The following ACOXL variants were observed in gnomAD, a reference collection of about 807,000 sequenced individuals.
ACOXL encodes the protein acyl-CoA oxidase like.
Under a neutral mutation model 71.9 loss-of-function variants are expected in ACOXL, and 70 were observed. That is an observed-to-expected ratio of 0.97 (90% CI 0.80 to 1.19). The LOEUF (loss-of-function observed/expected upper bound fraction) is 1.19, where lower values mean the gene tolerates loss of function less well. Ranked by LOEUF, ACOXL falls within the 50% of genes most tolerant of loss-of-function variation. The pLI, the probability that ACOXL is intolerant of heterozygous loss-of-function variation, is 0.00. For synonymous variants in ACOXL, 253 were observed against 281.6 expected (o/e 0.90, Z 1.02); for missense variants, 703 against 736.3 (o/e 0.95, Z 0.52).
chr2:110,736,138 C>T (rs956569421), intron 1 of ACOXL, among the ~76,000 whole-genome samples: 1 of 152,192 alleles, frequency 6.6e-6, no homozygotes, highest in Admixed American at 6.5e-5. Context: ...TGAACACGTT[C>T]TCACTAGGAA....
chr2:111,071,285 T>G (rs1214636764), intron 16 of ACOXL, among the ~76,000 whole-genome samples: 1 of 151,940 alleles, frequency 6.6e-6, no homozygotes, highest in Non-Finnish European at 1.5e-5. Flanking sequence ...CCCATTCAGG[T>G]TAAGTATAAA....
intron 2 of ACOXL, among the ~76,000 whole-genome samples, chr2:110,781,637 T>A (rs978049879): frequency 6.6e-6 from 1 of 150,554 alleles, no homozygotes. Flanking sequence ...TGATACTCCA[T>A]CTCAAAAATA....
intron 1 of ACOXL, among the ~76,000 whole-genome samples, chr2:110,755,395 A>G (rs1433823071): frequency 6.6e-6 from 1 of 152,266 alleles, no homozygotes; most frequent in Non-Finnish European, 1.5e-5. Context: ...ATGATTTTAT[A>G]TGCCATTGTT....
At chr2:110,947,764 A>G (rs1239616832) in intron 12 of ACOXL, among the ~76,000 whole-genome samples, 2 of 152,136 alleles carry the variant, frequency 1.3e-5, no homozygotes, top group Non-Finnish European at 2.9e-5. Flanking sequence ...ACCAGAACAC[A>G]CCACAGGGTC....
At chr2:110,805,574 C>A (rs1686536534) in intron 9 of ACOXL, among the ~76,000 whole-genome samples, 179 bp downstream of exon 9, 1 of 152,170 alleles carries the variant, frequency 6.6e-6, no homozygotes, top group Non-Finnish European at 1.5e-5. Context: ...CTCCACCCTT[C>A]TTAAGAGGGG....
At chr2:111,011,678 T>A (rs1164613491) in intron 14 of ACOXL, among the ~76,000 whole-genome samples, 1 of 151,838 alleles carries the variant, frequency 6.6e-6, no homozygotes, top group Non-Finnish European at 1.5e-5. Flanking sequence ...AGCCCAGGAG[T>A]TTGAGACCAG....
chr2:111,002,093 T>C (rs553022090), intron 14 of ACOXL, among the ~76,000 whole-genome samples: 2 of 152,306 alleles, frequency 1.3e-5, no homozygotes, highest in South Asian at 2.1e-4. Context: ...CGGAAACTTA[T>C]GAATGCACTT....
intron 10 of ACOXL, 104 bp from the exon 11 acceptor site, chr2:110,908,685 A>T: frequency 1.2e-6 from 1 of 840,594 alleles, no homozygotes; most frequent in South Asian, 1.6e-5. Flanking sequence ...TGCATTCTGG[A>T]GTCTTTGGAA....
intron 14 of ACOXL, among the ~76,000 whole-genome samples, chr2:111,031,368 C>G (rs1242560219): frequency 6.6e-6 from 1 of 152,222 alleles, no homozygotes; most frequent in Non-Finnish European, 1.5e-5. Flanking sequence ...TTCTCCCCTT[C>G]ACGTGTTTCT....
At chr2:111,094,468 C>A (rs72836335) in intron 17 of ACOXL, 11,204 of 152,212 alleles carry the variant, frequency 0.074, 472 homozygotes, top group African/African-American at 0.11. Flanking sequence ...AAGGGGCCCA[C>A]GTCTGGCAAA....
chr2:110,880,878 C>G (rs930350814), intron 10 of ACOXL, among the ~76,000 whole-genome samples: 2 of 152,306 alleles, frequency 1.3e-5, no homozygotes, highest in African/African-American at 2.4e-5. Context: ...TCCTTTCTCC[C>G]ACCTTCACTG....
At chr2:110,858,320 C>T (rs1001387058) in intron 10 of ACOXL, among the ~76,000 whole-genome samples, 3 of 152,182 alleles carry the variant, frequency 2.0e-5, no homozygotes, top group East Asian at 1.9e-4. Context: ...CTGGGAAGTC[C>T]GGGTGGGGAA....
At chr2:110,823,976 A>G (rs1300689962) in intron 9 of ACOXL, among the ~76,000 whole-genome samples, 1 of 152,138 alleles carries the variant, frequency 6.6e-6, no homozygotes, top group East Asian at 1.9e-4. Flanking sequence ...ATAAAGTCTA[A>G]TTTGTTTGTT....
intron 3 of ACOXL, among the ~76,000 whole-genome samples, chr2:110,790,987 C>A (rs574432503): frequency 4.6e-5 from 7 of 152,260 alleles, no homozygotes; most frequent in African/African-American, 1.7e-4. Context: ...CCCTCTACTT[C>A]CCCACTTCCC....
chr2:110,794,074 A>G lies in ACOXL; in HGVS notation c.247-2A>G. On this transcript the variant is annotated splice_acceptor_variant, in intron 4 of 17. Coordinates refer to ENST00000439055, the MANE Select transcript of ACOXL (RefSeq NM_001142807.4). LOFTEE classifies it high-confidence loss of function. ...TCCCTTCTAACATCTGGTAAACTCC[A>G]GGAGCAGAAATACACTGGGATGTTT... 1.2e-6 allele frequency: 2 copies of G among 1,614,146 alleles called. No homozygotes were observed. Among genetic ancestry groups the G allele is most frequent in the East Asian group, 2.2e-5 (1 of 44,884 alleles).
chr2:111,067,702 T>G (rs945470411), intron 16 of ACOXL, among the ~76,000 whole-genome samples: 1 of 152,152 alleles, frequency 6.6e-6, no homozygotes, highest in Non-Finnish European at 1.5e-5. Flanking sequence ...TATAAGTTGC[T>G]GGAAAAAATG....
intron 15 of ACOXL, among the ~76,000 whole-genome samples, chr2:111,041,355 A>G (rs1474803671): frequency 2.0e-5 from 3 of 152,118 alleles, no homozygotes; most frequent in Non-Finnish European, 4.4e-5. Flanking sequence ...TTATCTTCCC[A>G]ATTTAAGTGT....
At chr2:110,951,209 T>C (rs2061323736) in intron 12 of ACOXL, among the ~76,000 whole-genome samples, 1 of 152,218 alleles carries the variant, frequency 6.6e-6, no homozygotes, top group South Asian at 2.1e-4. Context: ...TAGATATCTA[T>C]TATAAAGTGT....
chr2:111,097,800 ATG>A (rs2068891084), intron 17 of ACOXL, among the ~76,000 whole-genome samples: 2 of 152,246 alleles, frequency 1.3e-5, no homozygotes, highest in Non-Finnish European at 2.9e-5. Context: ...CCATAATGAT[ATG>A]AATAAATGAT....
Sources: gnomAD v4.1 joint callset for allele counts (sites outside exome capture counted in the v4.1 genomes callset) on GRCh38, gnomAD v4.1.1 for gene constraint, MANE v1.5 for transcripts, NCBI Gene and HGNC (gene_info 2026-07-23, HGNC 2026-07-21) for gene names.